The following TRPM3 variants were observed in gnomAD, a reference collection of about 807,000 sequenced individuals.
TRPM3 encodes long transient receptor potential channel 3.
In TRPM3, 77 loss-of-function variants were observed where a neutral mutation model predicts 181.2. The ratio of observed to expected loss-of-function variants is 0.42; its 90% confidence interval spans 0.35 to 0.51. The LOEUF (loss-of-function observed/expected upper bound fraction) is 0.51. Among genes scored for constraint, TRPM3 ranks in the 20% least tolerant of loss-of-function variants. The pLI is 0.01. For synonymous variants in TRPM3, 745 were observed against 796.4 expected, an observed-to-expected ratio of 0.94 and a Z score of 1.09; for missense variants, 1,759 against 2,196.7, an observed-to-expected ratio of 0.80 and a Z score of 3.98.
intron 1 of TRPM3, among the ~76,000 whole-genome samples, chr9:71,098,640 G>C (rs1591398796): frequency 6.6e-6 from 1 of 152,266 alleles, no homozygotes; most frequent in East Asian, 1.9e-4. Context: ...CAGATGACCA[G>C]TTACATTCTT....
intron 6 of TRPM3, among the ~76,000 whole-genome samples, chr9:70,822,908 A>G (rs7038646): frequency 0.65 from 98,067 of 151,572 alleles, 31,953 homozygotes; most frequent in Middle Eastern, 0.8. Flanking sequence ...GTCACTACCC[A>G]CCTTGATAAT....
intron 1 of TRPM3, among the ~76,000 whole-genome samples, chr9:71,070,662 GTT>G: frequency 6.6e-6 from 1 of 152,276 alleles, no homozygotes; most frequent in Non-Finnish European, 1.5e-5. Context: ...AAATGATGAG[GTT>G]TGGAGAGGAT....
intron 1 of TRPM3, among the ~76,000 whole-genome samples, chr9:71,111,414 C>T (rs1438815644): frequency 1.3e-5 from 2 of 152,236 alleles, no homozygotes; most frequent in African/African-American, 4.8e-5. Context: ...TTTCCCCTCG[C>T]CCCCAAAGGA....
intron 8 of TRPM3, among the ~76,000 whole-genome samples, chr9:70,751,707 T>C (rs887328642): frequency 8.6e-5 from 13 of 152,034 alleles, no homozygotes; most frequent in African/African-American, 3.1e-4. Flanking sequence ...GTAATAGAGT[T>C]ACTGTTCAAG....
At chr9:71,384,512 A>G (rs971079590) in intron 1 of TRPM3, among the ~76,000 whole-genome samples, 1 of 152,244 alleles carries the variant, frequency 6.6e-6, no homozygotes, top group Non-Finnish European at 1.5e-5. Flanking sequence ...CATGGAGACC[A>G]ATCTCTGGCA....
intron 1 of TRPM3, among the ~76,000 whole-genome samples, chr9:71,242,287 A>T (rs73647976): frequency 0.019 from 2,890 of 152,280 alleles, 101 homozygotes; most frequent in African/African-American, 0.067. Context: ...AGATGACGGC[A>T]TGATCTACAG....
intron 1 of TRPM3, among the ~76,000 whole-genome samples, chr9:71,337,621 A>T (rs543370502): frequency 6.6e-6 from 1 of 152,320 alleles, no homozygotes; most frequent in East Asian, 1.9e-4. Context: ...TACTATAAAG[A>T]CACATGCACA....
intron 1 of TRPM3, among the ~76,000 whole-genome samples, chr9:71,323,646 C>T (rs763273939): frequency 4.2e-4 from 64 of 152,052 alleles, no homozygotes; most frequent in Admixed American, 1.4e-3. Context: ...TGGCGGATGT[C>T]GGCTTTGGAA....
At chr9:71,421,815 G>A (rs536501803) in intron 1 of TRPM3, among the ~76,000 whole-genome samples, 32 of 152,026 alleles carry the variant, frequency 2.1e-4, no homozygotes, top group African/African-American at 3.4e-4. Flanking sequence ...ATAGCAAAAC[G>A]TAGAAAAGGA....
Position 71,421,175 on chromosome 9 carries a change from C to A in TRPM3, c.183+25478G>T, listed in dbSNP as rs537497282. On this transcript the variant is annotated intron_variant, in intron 1 of 24. Coordinates refer to the TRPM3 transcript ENST00000357533. ...GAGCTAAATATTGGATAAACATGGA[C>A]ATAAAGATAGGAAAAATAGGCACTG... 3.1e-3 allele frequency among the ~76,000 whole-genome samples: 464 copies of A among 151,746 alleles called. 3 individuals carry two copies. The highest frequency in any genetic ancestry group is 0.011 in the African/African-American group (443 of 41,404).
At chr9:71,023,920 T>A (rs549640154) in intron 1 of TRPM3, among the ~76,000 whole-genome samples, 1 of 152,298 alleles carries the variant, frequency 6.6e-6, no homozygotes, top group East Asian at 1.9e-4. Context: ...GCTTCTTGAC[T>A]GCGGTGTGGT....
intron 9 of TRPM3, among the ~76,000 whole-genome samples, chr9:70,641,309 A>G (rs1199030519): frequency 2.6e-5 from 4 of 152,208 alleles, no homozygotes; most frequent in Non-Finnish European, 5.9e-5. Flanking sequence ...CACACACTCA[A>G]GTTTGAGAAA....
Position 70,610,708 on chromosome 9 carries a change from C to A in TRPM3, c.2568G>T (p.Lys856Asn). ...GRNNGESSRK[K>N]DEEEVQSKHR... ...GCTTGCTCTGAACTTCCTCTTCATC[C>A]TTCTTCCTGGAGGACTCCCCGTTGT... Residue 856 changes from lysine (K) to asparagine (N), a missense_variant, in exon 19 of 26, where the codon AAG (lysine) becomes AAT (asparagine). Around this residue, in one of 8 missense-constraint regions of TRPM3, gnomAD observed 114 missense variants for 134.8 expected, o/e 0.85. Transcript: ENST00000677713. 1 of 1,614,192 alleles carries A rather than the reference C, an allele frequency of 6.2e-7. No individual in the cohort carries two copies. Among genetic ancestry groups the A allele is most frequent in the East Asian group, 2.2e-5 (1 of 44,886 alleles).
intron 1 of TRPM3, among the ~76,000 whole-genome samples, chr9:70,919,532 C>T (rs2096633525): frequency 6.6e-6 from 1 of 152,138 alleles, no homozygotes; most frequent in Non-Finnish European, 1.5e-5. Context: ...ACCTGTAATC[C>T]CAGCACTTTG....
chr9:71,062,404 T>C (rs966157380), intron 1 of TRPM3, among the ~76,000 whole-genome samples: 2 of 152,136 alleles, frequency 1.3e-5, no homozygotes, highest in Non-Finnish European at 2.9e-5. Flanking sequence ...CAATTTGTTA[T>C]TCAAGAGCAA....
At chr9:71,255,068 A>G (rs900849667) in intron 1 of TRPM3, among the ~76,000 whole-genome samples, 1 of 152,254 alleles carries the variant, frequency 6.6e-6, no homozygotes. Context: ...CCACAAAGGG[A>G]TTTTGCCTAA....
chr9:70,940,836 C>A (rs559457633), intron 1 of TRPM3, among the ~76,000 whole-genome samples: 1 of 152,230 alleles, frequency 6.6e-6, no homozygotes, highest in Non-Finnish European at 1.5e-5. Context: ...AGAGAAAGAA[C>A]TTGTTTGCAT....
intron 1 of TRPM3, among the ~76,000 whole-genome samples, chr9:71,065,967 G>T (rs1260686445): frequency 1.3e-5 from 2 of 152,096 alleles, no homozygotes; most frequent in African/African-American, 2.4e-5. Flanking sequence ...ACATAAAACT[G>T]AACCAGCACA....
rs114392433 is a variant in TRPM3, at chr9:71,385,872, T to C, written c.183+60781A>G. On this transcript the variant is annotated intron_variant, in intron 1 of 24. Coordinates refer to the TRPM3 transcript ENST00000357533. ...GGTGTGCACCAACACACCTGGCTAA[T>C]TTTTTTTGGTGGGGGGTAGAGGCAG... Among the ~76,000 whole-genome samples the C allele has an allele frequency of 5.6e-3, 854 of 151,572 alleles. 13 individuals are homozygous for C. Among genetic ancestry groups the C allele is most frequent in the African/African-American group, 0.019 (804 of 41,366 alleles).
Sources: allele counts gnomAD v4.1 joint callset (sites outside exome capture counted in the v4.1 genomes callset), GRCh38; gene constraint gnomAD v4.1.1; regional missense constraint gnomAD v4.1.1; transcripts MANE v1.5; gene names NCBI Gene and HGNC (gene_info 2026-07-23, HGNC 2026-07-21).